Variants in FAM3D observed in about 807,000 individuals in gnomAD.
The protein encoded by FAM3D is protein FAM3D.
FAM3D carries 26 observed loss-of-function variants against 29.8 expected under a neutral mutation model. The observed-to-expected ratio is 0.87, with a 90% confidence interval of 0.64 to 1.21. FAM3D has a LOEUF of 1.21. FAM3D is among the 50% of genes most tolerant of loss of function. The pLI is 0.00. For synonymous variants in FAM3D, 115 were observed against 102.3 expected (o/e 1.12, Z -0.75); for missense variants, 253 against 290.9 (o/e 0.87, Z 0.95).
intron 3 of FAM3D, among the ~76,000 whole-genome samples, chr3:58,651,946 G>A (rs562700303): frequency 8.9e-4 from 135 of 152,292 alleles, no homozygotes; most frequent in African/African-American, 2.9e-3. Flanking sequence ...GTAAGGGATC[G>A]CAGACACTCC....
intron 7 of FAM3D, among the ~76,000 whole-genome samples, chr3:58,638,808 G>A (rs570891999): frequency 1.4e-4 from 21 of 152,134 alleles, no homozygotes; most frequent in African/African-American, 4.6e-4. Context: ...AGAGGTTTCC[G>A]GTCAACCACC....
rs2066108770 is a variant in FAM3D, at chr3:58,634,596, T to C, written c.586-228A>G. Among the ~76,000 whole-genome samples, 1 of 152,280 alleles carries C rather than the reference T, an allele frequency of 6.6e-6. No individual in the cohort carries two copies. Among genetic ancestry groups the C allele is most frequent in the East Asian group, 1.9e-4 (1 of 5,188 alleles). Reference sequence around the variant, plus strand: ...CACGCCCTGAAGGGTAACCAGTTGTTGGAGAGATCTGGCCCCTCCCCACAA... The same window carrying C: ...CACGCCCTGAAGGGTAACCAGTTGTCGGAGAGATCTGGCCCCTCCCCACAA... On this transcript the variant is annotated intron_variant, in intron 9 of 9. Coordinates refer to ENST00000358781, the MANE Select transcript of FAM3D (RefSeq NM_138805.3). The surrounding 1 kb of genome is among the most constrained non-coding windows in gnomAD (Gnocchi z 4.6).
intron 1 of FAM3D, among the ~76,000 whole-genome samples, chr3:58,657,977 T>C (rs1234419996): frequency 6.6e-6 from 1 of 152,048 alleles, no homozygotes; most frequent in Non-Finnish European, 1.5e-5. Context: ...CAGCCTAGCA[T>C]GGCTAAGTCC....
rs551693521 is a variant in FAM3D, at chr3:58,635,855, C to T, written c.585+439G>A. Among the ~76,000 whole-genome samples the T allele has an allele frequency of 4.6e-5, 7 of 152,312 alleles. No individual in the cohort carries two copies. In the South Asian group the frequency reaches 1.2e-3, roughly 27 times the overall value. On this transcript the variant is annotated intron_variant, in intron 9 of 9. Transcript: ENST00000358781. The surrounding 1 kb of genome is among the most constrained non-coding windows in gnomAD (Gnocchi z 5.2). The stretch of plus-strand genomic sequence containing the variant: ...AGCACCTCTTGTCTGATGATGGCAT[C>T]GGCCTCCTCCCTGCCTTCTGACTTC...
intron 1 of FAM3D, among the ~76,000 whole-genome samples, chr3:58,664,531 G>A (rs1417808371): frequency 6.6e-6 from 1 of 152,222 alleles, no homozygotes; most frequent in Non-Finnish European, 1.5e-5. Context: ...CATGGTAGAT[G>A]CTTTGCACAC....
Position 58,633,952 on chromosome 3 carries a change from ACC to A in FAM3D, c.*325_*326del. 3.6e-6 allele frequency: 1 copy of A among 278,750 alleles called. No homozygotes were observed. Among genetic ancestry groups the A allele is most frequent in the Non-Finnish European group, 6.8e-6 (1 of 147,892 alleles). The allele number at this position is 278,750 out of a possible 1,614,324, so 17.3% of individuals were successfully genotyped here. A position where few individuals can be genotyped will look rare whatever the true frequency, so the allele number is the denominator to read the frequency against. On this transcript the variant is annotated 3_prime_UTR_variant, in exon 10 of 10. Transcript: ENST00000358781. ...GGAGTGGTCAGAAAGCTCATTCAAA[ACC>A]AGCAAAAATAAAATTTAATTGGGCT...
At chr3:58,664,730 C>T (rs954995432) in intron 1 of FAM3D, among the ~76,000 whole-genome samples, 4 of 152,232 alleles carry the variant, frequency 2.6e-5, no homozygotes, top group Admixed American at 2.0e-4. Flanking sequence ...ACCTCTATGT[C>T]TTTGTCTCCC....
chr3:58,638,162 G>C (rs971681744), intron 7 of FAM3D, among the ~76,000 whole-genome samples: 4 of 152,160 alleles, frequency 2.6e-5, no homozygotes, highest in Admixed American at 2.6e-4. Flanking sequence ...GGGATTACAG[G>C]CATAAGCCAC....
chr3:58,664,657 A>C (rs1004784711), intron 1 of FAM3D, among the ~76,000 whole-genome samples: 1 of 152,264 alleles, frequency 6.6e-6, no homozygotes, highest in African/African-American at 2.4e-5. Context: ...GCCTAAGGTC[A>C]CATGGTTGGA....
In FAM3D at chr3:58,634,086, T is replaced by C; in HGVS notation, c.*193A>G. 1.8e-6 allele frequency: 1 copy of C among 541,310 alleles called. No homozygotes were observed. Among genetic ancestry groups the C allele is most frequent in the Non-Finnish European group, 3.3e-6 (1 of 307,328 alleles). 33.5% of individuals were successfully genotyped at this position (541,310 alleles called of 1,614,324 possible). A position where few individuals can be genotyped will look rare whatever the true frequency, so the allele number is the denominator to read the frequency against. On this transcript the variant is annotated 3_prime_UTR_variant, in exon 10 of 10. Coordinates refer to ENST00000358781, the MANE Select transcript of FAM3D (RefSeq NM_138805.3). The surrounding 1 kb of genome is among the most constrained non-coding windows in gnomAD (Gnocchi z 4.6). The stretch of plus-strand genomic sequence containing the variant: ...TGGTTCCAGAAGGACCCTCTGAGGC[T>C]GGTCTTCCGGGTAGGATGTGCTGTG...
chr3:58,662,333 A>G (rs2066948148), intron 1 of FAM3D, among the ~76,000 whole-genome samples: 1 of 152,224 alleles, frequency 6.6e-6, no homozygotes. Context: ...CCTCCACAAC[A>G]AAGTCGATGG....
At chr3:58,658,585 G>C (rs2066869278) in intron 1 of FAM3D, among the ~76,000 whole-genome samples, 1 of 152,086 alleles carries the variant, frequency 6.6e-6, no homozygotes, top group African/African-American at 2.4e-5. Context: ...ATCACTTCTG[G>C]GAAGCCTTCC....
At chr3:58,644,505 T>C (rs912318116) in intron 5 of FAM3D, among the ~76,000 whole-genome samples, 2 of 152,244 alleles carry the variant, frequency 1.3e-5, no homozygotes, top group Non-Finnish European at 2.9e-5. Flanking sequence ...TCCTGCCACA[T>C]GGAACTGTGA....
chr3:58,654,519 C>T (rs1267407136), intron 2 of FAM3D, among the ~76,000 whole-genome samples: 1 of 152,218 alleles, frequency 6.6e-6, no homozygotes, highest in Non-Finnish European at 1.5e-5. Flanking sequence ...GATTGGGGAA[C>T]AACCCCACAC....
intron 3 of FAM3D, among the ~76,000 whole-genome samples, chr3:58,649,812 C>A (rs1400055109): frequency 5.9e-5 from 9 of 152,196 alleles, no homozygotes; most frequent in Admixed American, 5.2e-4. Context: ...TATATGACTG[C>A]ATGAGACATT....
At chr3:58,643,049 C>T (rs2066377913) in intron 6 of FAM3D, among the ~76,000 whole-genome samples, 1 of 152,228 alleles carries the variant, frequency 6.6e-6, no homozygotes, top group Non-Finnish European at 1.5e-5. Flanking sequence ...CATCAGCTCC[C>T]TCTGGAAGCC....
At chr3:58,662,997 C>T (rs777163278) in intron 1 of FAM3D, among the ~76,000 whole-genome samples, 11 of 152,242 alleles carry the variant, frequency 7.2e-5, no homozygotes, top group Non-Finnish European at 1.5e-4. Context: ...CTCCCGAGTT[C>T]AAGCGATTCT....
At position 58,634,512 on chromosome 3, in the gene FAM3D, G is replaced by A. The variant is rs2066105697; in HGVS notation, c.586-144C>T. 1 of 669,834 alleles carries A rather than the reference G, an allele frequency of 1.5e-6. No individual in the cohort carries two copies. The highest frequency in any genetic ancestry group is 1.9e-5 in the South Asian group (1 of 51,832). The allele number at this position is 669,834 out of a possible 1,614,324, so 41.5% of individuals were successfully genotyped here. A position where few individuals can be genotyped will look rare whatever the true frequency, so the allele number is the denominator to read the frequency against. Reference sequence around the variant, plus strand: ...ACAGATGGGGAAACTGAGGCTCAGAGAGGGGATGCAACTTGCTCAAGATCT... The same window carrying A: ...ACAGATGGGGAAACTGAGGCTCAGAAAGGGGATGCAACTTGCTCAAGATCT... On this transcript the variant is annotated intron_variant, in intron 9 of 9. Transcript: ENST00000358781. This position sits in a 1 kb window ranked among gnomAD's most constrained non-coding sequence, Gnocchi z 4.6.
At chr3:58,647,637 C>T (rs556325592) in intron 4 of FAM3D, among the ~76,000 whole-genome samples, 1 of 152,362 alleles carries the variant, frequency 6.6e-6, no homozygotes, top group South Asian at 2.1e-4. Flanking sequence ...ACCATCCAGC[C>T]TTCACAGTCA....
Sources: gnomAD v4.1 joint callset for allele counts (sites outside exome capture counted in the v4.1 genomes callset) on GRCh38, gnomAD v4.1.1 for gene constraint, Gnocchi (gnomAD v3.1) non-coding constraint, MANE v1.5 for transcripts, NCBI Gene and HGNC (gene_info 2026-07-23, HGNC 2026-07-21) for gene names.